Variants in CEP57 observed in about 807,000 individuals in gnomAD.
CEP57 encodes centrosomal protein of 57 kDa.
In CEP57, 40 loss-of-function variants were observed where a neutral mutation model predicts 68.0. That is an observed-to-expected ratio of 0.59 (90% confidence interval 0.46 to 0.77). The LOEUF (loss-of-function observed/expected upper bound fraction) is 0.77, where lower values mean the gene tolerates loss of function less well. Among genes scored for constraint, CEP57 ranks in the 30% least tolerant of loss-of-function variants. The pLI, the probability that CEP57 is intolerant of heterozygous loss-of-function variation, is 0.00. For missense variants in CEP57, 606 were observed against 580.7 expected (o/e 1.04, Z -0.45); for synonymous variants, 219 against 198.7 (o/e 1.10, Z -0.86).
At position 95,817,873 on chromosome 11, in the gene CEP57, C is replaced by G. The variant is rs569322768; in HGVS notation, c.591C>G (p.Asn197Lys). ...TGGATCTTCTTGAACAGGAGTATAA[C>G]AAACTTACCACAATGCAGGCCCTTG... Reference protein sequence around the residue: ...EKLDLLEQEYNKLTTMQALAE... With the variant: ...EKLDLLEQEYKKLTTMQALAE... The change falls in exon 5 of 11, where the codon AAC (asparagine) becomes AAG (lysine). Residue 197 changes from asparagine to lysine, a missense_variant. Physicochemically the swap from Asn to Lys is moderately conservative, Grantham distance 94. Coordinates refer to ENST00000325542, the MANE Select transcript of CEP57 (RefSeq NM_014679.5). The G allele has an allele frequency of 6.2e-7, 1 of 1,613,088 alleles. No individual in the cohort carries two copies. The highest frequency in any genetic ancestry group is 1.7e-5 in the Admixed American group (1 of 60,004).
At chr11:95,795,203 A>G (rs866310001) in intron 1 of CEP57, among the ~76,000 whole-genome samples, 1 of 152,318 alleles carries the variant, frequency 6.6e-6, no homozygotes, top group Middle Eastern at 3.4e-3. Context: ...CGTTTAGGAT[A>G]TTGACCCTTC....
At chr11:95,825,289 T>TGC (rs1346293182) in intron 8 of CEP57, among the ~76,000 whole-genome samples, 2 of 152,222 alleles carry the variant, frequency 1.3e-5, no homozygotes, top group African/African-American at 4.8e-5. Context: ...AAATTCCTGT[T>TGC]GGAGAAAACT....
chr11:95,796,573 A>G (rs1861358863), intron 1 of CEP57, among the ~76,000 whole-genome samples: 1 of 152,256 alleles, frequency 6.6e-6, no homozygotes, highest in African/African-American at 2.4e-5. Flanking sequence ...GAGGAAATGT[A>G]TAGTTAATAT....
intron 6 of CEP57, 37 bp from the exon 7 acceptor site, chr11:95,821,834 T>G: frequency 7.1e-7 from 1 of 1,401,180 alleles, no homozygotes. Context: ...TAGCTTTTAT[T>G]TCTACAGCAT....
rs1202654323 is a variant in CEP57 at position 95,818,807 on chromosome 11, T to G, written c.622-20T>G. On this transcript the variant is annotated intron_variant, in intron 5 of 10. Transcript: ENST00000325542. The stretch of plus-strand genomic sequence containing the variant: ...CTTAAGATTTTTCACCTTTATCCCT[T>G]TTGACATTTTTATCACTAGAAAAAA... 2 of 1,603,262 alleles carry G rather than the reference T, an allele frequency of 1.2e-6. No individual in the cohort carries two copies. The highest frequency in any genetic ancestry group is 1.7e-6 in the Non-Finnish European group (2 of 1,170,410).
At chr11:95,829,372 A>G (rs77784563) in intron 10 of CEP57, 41 bp downstream of exon 10, 10 of 1,472,402 alleles carry the variant, frequency 6.8e-6, no homozygotes, top group Non-Finnish European at 9.3e-6. Context: ...AATGATTAAG[A>G]AAAAAAAAAC....
At chr11:95,812,196 G>A (rs1328260274) in intron 2 of CEP57, among the ~76,000 whole-genome samples, 5 of 152,094 alleles carry the variant, frequency 3.3e-5, no homozygotes, top group African/African-American at 1.2e-4. Context: ...GTTTCTACAT[G>A]TGCTCCTATT....
At chr11:95,794,756 T>G (rs1861266905) in intron 1 of CEP57, among the ~76,000 whole-genome samples, 1 of 152,198 alleles carries the variant, frequency 6.6e-6, no homozygotes, top group Non-Finnish European at 1.5e-5. Flanking sequence ...AAATTCTTCC[T>G]TTCTCCAAGG....
At chr11:95,792,685 A>G (rs1565307036) in intron 1 of CEP57, among the ~76,000 whole-genome samples, 2 of 152,208 alleles carry the variant, frequency 1.3e-5, no homozygotes, top group African/African-American at 4.8e-5. Context: ...TACACTAAGA[A>G]TATCTAGGAA....
intron 8 of CEP57, chr11:95,826,998 AAC>A (rs1164631360): frequency 6.6e-6 from 1 of 152,206 alleles, no homozygotes; most frequent in African/African-American, 2.4e-5. Context: ...AGGACTTGAA[AAC>A]ACAAATTTCC....
chr11:95,791,729 A>AG (rs1236370783), intron 1 of CEP57, among the ~76,000 whole-genome samples: 4 of 152,226 alleles, frequency 2.6e-5, no homozygotes, highest in South Asian at 2.1e-4. Flanking sequence ...AGATGGAGCT[A>AG]GTTGCGTGTC....
intron 7 of CEP57, 168 bp from the exon 8 acceptor site, chr11:95,822,331 A>G (rs888568089): frequency 1.1e-5 from 7 of 629,590 alleles, no homozygotes; most frequent in African/African-American, 1.8e-5. Context: ...CTAGGCTAGG[A>G]TATATGCTAA....
At chr11:95,805,546 G>T (rs1159902453) in intron 2 of CEP57, among the ~76,000 whole-genome samples, 1 of 152,152 alleles carries the variant, frequency 6.6e-6, no homozygotes, top group Non-Finnish European at 1.5e-5. Context: ...GTTAATAAAT[G>T]GACAAGAATA....
intron 2 of CEP57, among the ~76,000 whole-genome samples, chr11:95,800,457 G>A (rs577667460): frequency 4.2e-4 from 63 of 151,678 alleles, no homozygotes; most frequent in Non-Finnish European, 3.1e-4. Context: ...GTGCAGTGGC[G>A]GGATCCCGGC....
intron 8 of CEP57, chr11:95,826,713 C>G (rs865850431): frequency 3.3e-5 from 5 of 152,002 alleles, no homozygotes; most frequent in Non-Finnish European, 7.4e-5. Context: ...AATAACAGAA[C>G]GAGAATTTTT....
In CEP57 at chr11:95,818,882, G is replaced by A. The variant is rs143711180; in HGVS notation, c.677G>A (p.Arg226His). 502 of 1,613,894 alleles carry A rather than the reference G, an allele frequency of 3.1e-4. 5 individuals are homozygous for A. In the African/African-American group the frequency reaches 5.7e-3, roughly 18 times the overall value. ...CATGAAGAAGAACAGGAAAGGAAAC[G>A]CATGCAAGCTAAGGCAGCTGAGGTA... ...KLHEEEQERK[R>H]MQAKAAELQT... The change falls in exon 6 of 11, where the codon CGC becomes CAC. Residue 226 changes from arginine to histidine, a missense_variant. Physicochemically the swap from Arg to His is conservative, Grantham distance 29. Transcript: ENST00000325542.
At chr11:95,804,196 CA>C (rs1327013541) in intron 2 of CEP57, among the ~76,000 whole-genome samples, 14 of 152,148 alleles carry the variant, frequency 9.2e-5, no homozygotes, top group Admixed American at 8.5e-4. Flanking sequence ...TGTTTACTGC[CA>C]TACAAATAAA....
intron 4 of CEP57, chr11:95,814,992 A>T (rs557071682): frequency 6.6e-5 from 10 of 152,334 alleles, no homozygotes; most frequent in African/African-American, 2.4e-4. Flanking sequence ...ATGCAATGTA[A>T]ATGTTATGTA....
At chr11:95,809,315 A>G (rs1168732931) in intron 2 of CEP57, among the ~76,000 whole-genome samples, 3 of 152,208 alleles carry the variant, frequency 2.0e-5, no homozygotes, top group African/African-American at 7.2e-5. Context: ...GAGCAAACAC[A>G]TTCAAAAGCT....
Sources: gnomAD v4.1 joint callset for allele counts (sites outside exome capture counted in the v4.1 genomes callset) on GRCh38, gnomAD v4.1.1 for gene constraint, MANE v1.5 for transcripts, NCBI Gene and HGNC (gene_info 2026-07-23, HGNC 2026-07-21) for gene names.